Variants in GLMN observed in about 807,000 individuals in gnomAD.
The protein encoded by GLMN is glomulin.
Under a neutral mutation model 87.8 loss-of-function variants are expected in GLMN, and 75 were observed. The observed-to-expected ratio is 0.85, with a 90% CI of 0.71 to 1.04. The LOEUF is 1.04. GLMN is among the 50% of genes least tolerant of loss of function. The pLI is 0.00. For synonymous variants in GLMN, 206 were observed against 221.6 expected, an observed-to-expected ratio of 0.93 and a Z score of 0.63; for missense variants, 588 against 658.8, an observed-to-expected ratio of 0.89 and a Z score of 1.18.
intron 16 of GLMN, among the ~76,000 whole-genome samples, chr1:92,254,127 G>GTATCAA (rs1653911531): frequency 6.6e-6 from 1 of 152,144 alleles, no homozygotes; most frequent in African/African-American, 2.4e-5. Flanking sequence ...GCATATGCAA[G>GTATCAA]TATCAATAGC....
chr1:92,288,746 T>C (rs574226569), intron 6 of GLMN, among the ~76,000 whole-genome samples, 168 bp downstream of exon 6: 13 of 152,280 alleles, frequency 8.5e-5, no homozygotes, highest in African/African-American at 3.1e-4. Context: ...TTTTAAAATA[T>C]AAATGTCTCA....
chr1:92,300,750 C>G (rs535895954), upstream of GLMN, among the ~76,000 whole-genome samples: 7 of 152,272 alleles, frequency 4.6e-5, no homozygotes, highest in African/African-American at 1.7e-4. Flanking sequence ...TGAAGACTCA[C>G]TAATCTTATA....
chr1:92,291,306 C>A, intron 4 of GLMN, 112 bp downstream of exon 4: 1 of 942,334 alleles, frequency 1.1e-6, no homozygotes, highest in South Asian at 1.4e-5. Context: ...GAGTTCCTTT[C>A]TGCATGTACT....
the GLMN span, among the ~76,000 whole-genome samples, chr1:92,346,716 A>G: frequency 6.6e-6 from 1 of 152,216 alleles, no homozygotes; most frequent in Admixed American, 6.5e-5. Flanking sequence ...CTACAAAAGC[A>G]TATATAAAAC....
In GLMN at chr1:92,263,714, A is replaced by G. The variant is rs755342217; in HGVS notation, c.1318T>C (p.Trp440Arg). The G allele has an allele frequency of 3.2e-5, 50 of 1,578,432 alleles. No individual in the cohort carries two copies. Among genetic ancestry groups the G allele is most frequent in the Non-Finnish European group, 4.3e-5 (49 of 1,147,554 alleles). Reference sequence around the variant, plus strand: ...GAAATCAACTGTGGTCCTGTAAACCATTTGTTGTTACGTGTTCTCTGAAAA... The same window carrying G: ...GAAATCAACTGTGGTCCTGTAAACCGTTTGTTGTTACGTGTTCTCTGAAAA... ...MSLKRTRNNK[W>R]FTGPQLISLL... Residue 440 changes from tryptophan (W) to arginine (R), a missense_variant, in exon 15 of 19, where the codon TGG becomes CGG. Physicochemically the swap from Trp to Arg is moderately radical, Grantham distance 101 (BLOSUM62 -3). Transcript: ENST00000370360.
upstream of GLMN, chr1:92,300,251 A>G: frequency 1.3e-6 from 2 of 1,596,410 alleles, no homozygotes; most frequent in Non-Finnish European, 1.7e-6. Context: ...TATGACAGCT[A>G]CATGGACAAC....
chr1:92,298,815 C>G, intron 1 of GLMN, 110 bp downstream of exon 1: 1 of 374,298 alleles, frequency 2.7e-6, no homozygotes, highest in Non-Finnish European at 4.8e-6. Flanking sequence ...CCTAGGTGGG[C>G]AGGCTCCACC....
intron 6 of GLMN, among the ~76,000 whole-genome samples, chr1:92,288,658 G>GC (rs1363314675): frequency 6.6e-6 from 1 of 151,876 alleles, no homozygotes; most frequent in African/African-American, 2.4e-5. Flanking sequence ...CAAACTCCTG[G>GC]CCCCAAGCAA....
the GLMN span, among the ~76,000 whole-genome samples, chr1:92,367,568 T>C: frequency 6.6e-6 from 1 of 152,214 alleles, no homozygotes; most frequent in Non-Finnish European, 1.5e-5. Flanking sequence ...ATGTTATCTT[T>C]TAGCAGTCTT....
At chr1:92,307,173 T>C in the GLMN span, 1 of 1,574,756 alleles carries the variant, frequency 6.4e-7, no homozygotes, top group Non-Finnish European at 8.7e-7. Flanking sequence ...ACTAGATTTA[T>C]AATGTTCTTT....
At chr1:92,367,280 C>G in the GLMN span, among the ~76,000 whole-genome samples, 1 of 152,298 alleles carries the variant, frequency 6.6e-6, no homozygotes, top group East Asian at 1.9e-4. Flanking sequence ...GCTGTTAAAC[C>G]TCTTCTTTTA....
Position 92,297,420 on chromosome 1 carries a change from T to C in GLMN, c.149A>G (p.Gln50Arg), listed in dbSNP as rs1343907460. Reference protein sequence around the residue: ...GHTDQLLEIIQNEKNKVIIKN... With the variant: ...GHTDQLLEIIRNEKNKVIIKN... ...TGTACGCACCTTATTCTTTTCATTTTGAATAATTTCTAATAGCTGGTCTGT... is the reference window on the plus strand; with the variant it reads ...TGTACGCACCTTATTCTTTTCATTTCGAATAATTTCTAATAGCTGGTCTGT... The change falls in exon 3 of 19, where the codon CAA becomes CGA. Residue 50 changes from glutamine to arginine, a missense_variant. Transcript: ENST00000370360. The C allele has an allele frequency of 1.9e-6, 3 of 1,611,516 alleles. No individual in the cohort carries two copies. The highest frequency in any genetic ancestry group is 1.7e-5 in the Admixed American group (1 of 59,970).
Position 92,291,432 on chromosome 1 carries a change from C to T in GLMN, c.271G>A (p.Asp91Asn), listed in dbSNP as rs144577963. The change falls in exon 4 of 19, where the codon GAT becomes AAT. Residue 91 changes from aspartate to asparagine, a missense_variant. Physicochemically the swap from Asp to Asn is conservative, Grantham distance 23. Transcript: ENST00000370360. ...TGTTAACTTACCTTTACCAATAAATCAAAGATCAAAAAATAAACTTTTCTT... is the reference window on the plus strand; with the variant it reads ...TGTTAACTTACCTTTACCAATAAATTAAAGATCAAAAAATAAACTTTTCTT... ...SKRKVYFLIF[D>N]LLVKLCNPKE... The T allele has an allele frequency of 2.4e-3, 3,753 of 1,582,752 alleles. 52 individuals carry two copies. Among genetic ancestry groups the T allele is most frequent in the South Asian group, 0.02 (1,766 of 90,378 alleles).
At chr1:92,333,437 T>C in the GLMN span, 1 of 1,613,676 alleles carries the variant, frequency 6.2e-7, no homozygotes, top group South Asian at 1.1e-5. Context: ...CAGAACCAGA[T>C]TAGAAAACGC....
chr1:92,357,438 T>C, the GLMN span, among the ~76,000 whole-genome samples: 1 of 152,048 alleles, frequency 6.6e-6, no homozygotes, highest in African/African-American at 2.4e-5. Flanking sequence ...TTTCAAGAAA[T>C]AGAACAGATG....
the GLMN span, among the ~76,000 whole-genome samples, chr1:92,323,214 CAGA>C: frequency 2.0e-5 from 3 of 151,042 alleles, no homozygotes; most frequent in Non-Finnish European, 4.4e-5. Flanking sequence ...AGGAAGAATA[CAGA>C]AGGAGAACTA....
chr1:92,285,319 A>G (rs964385224), intron 7 of GLMN, among the ~76,000 whole-genome samples: 3 of 152,182 alleles, frequency 2.0e-5, no homozygotes, highest in African/African-American at 7.2e-5. Context: ...TTGCAGGGAC[A>G]TGGATGAAGC....
At chr1:92,333,451 G>A in the GLMN span, 170 of 1,613,144 alleles carry the variant, frequency 1.1e-4, 1 homozygote, top group Middle Eastern at 6.1e-3. Flanking sequence ...AAAACGCATC[G>A]TACTTGAAAA....
chr1:92,357,201 T>C, the GLMN span, among the ~76,000 whole-genome samples: 1 of 152,122 alleles, frequency 6.6e-6, no homozygotes, highest in Non-Finnish European at 1.5e-5. Context: ...AACAAATCCC[T>C]TTCCCTCAAA....
Sources: gnomAD v4.1 joint callset for allele counts (sites outside exome capture counted in the v4.1 genomes callset) on GRCh38, gnomAD v4.1.1 for gene constraint, MANE v1.5 for transcripts, NCBI Gene and HGNC (gene_info 2026-07-23, HGNC 2026-07-21) for gene names.